Variants in NCALD observed in about 807,000 individuals in gnomAD.
The protein encoded by NCALD is neurocalcin-delta.
In NCALD, 10 loss-of-function variants were observed where a neutral mutation model predicts 18.6. The observed-to-expected ratio is 0.54, with a 90% CI of 0.33 to 0.91. The LOEUF (loss-of-function observed/expected upper bound fraction) is 0.91. Among genes scored for constraint, NCALD ranks in the 40% least tolerant of loss-of-function variants. The pLI, the probability that NCALD is intolerant of heterozygous loss-of-function variation, is 0.03. For synonymous variants in NCALD, 88 were observed against 87.4 expected, an observed-to-expected ratio of 1.01 and a Z score of -0.04; for missense variants, 184 against 247.6, an observed-to-expected ratio of 0.74 and a Z score of 1.72.
intron 2 of NCALD, among the ~76,000 whole-genome samples, chr8:101,936,006 G>A (rs1818750076): frequency 6.6e-6 from 1 of 152,028 alleles, no homozygotes; most frequent in Non-Finnish European, 1.5e-5. Context: ...AGTGAAGAGT[G>A]CACAGGTCCA....
upstream of NCALD, among the ~76,000 whole-genome samples, chr8:101,795,695 GACTCTGCATTTCCC>G: frequency 6.6e-6 from 1 of 152,316 alleles, no homozygotes; most frequent in Middle Eastern, 3.4e-3. Flanking sequence ...CTGAGGTATA[GACTCTGCATTTCCC>G]ACTGCTTTTC....
chr8:101,765,743 G>A (rs998642474), intron 1 of NCALD, among the ~76,000 whole-genome samples: 7 of 152,138 alleles, frequency 4.6e-5, no homozygotes, highest in Non-Finnish European at 8.8e-5. Context: ...AAACTCCCTC[G>A]TTAAGCACCA....
At position 101,897,878 on chromosome 8, in the gene NCALD, C is replaced by G. The variant is rs537186217; in HGVS notation, c.-106-10651G>C. Among the ~76,000 whole-genome samples the G allele has an allele frequency of 1.4e-4, 21 of 152,252 alleles. 1 individual carries two copies. The highest frequency in any genetic ancestry group is 5.1e-4 in the African/African-American group (21 of 41,550). On this transcript the variant is annotated intron_variant, in intron 3 of 6. Transcript: ENST00000311028. ...CCAAATCTCATCTTGAATTGTAGTT[C>G]CCATAATTCCGTGTTGTAGGAGGGA...
intron 2 of NCALD, among the ~76,000 whole-genome samples, chr8:101,942,894 T>C (rs530679374): frequency 6.6e-6 from 1 of 152,196 alleles, no homozygotes; most frequent in African/African-American, 2.4e-5. Flanking sequence ...CCATCTCATA[T>C]TTAAAGATGA....
intron 2 of NCALD, among the ~76,000 whole-genome samples, chr8:101,927,682 A>G (rs1818388782): frequency 6.6e-6 from 1 of 152,098 alleles, no homozygotes; most frequent in Admixed American, 6.5e-5. Context: ...GCTAGAGAAG[A>G]TTGCAAGGAG....
intron 4 of NCALD, among the ~76,000 whole-genome samples, chr8:101,833,193 A>G (rs1814258332): frequency 6.6e-6 from 1 of 152,166 alleles, no homozygotes; most frequent in South Asian, 2.1e-4. Flanking sequence ...TAATGTGTAC[A>G]CAGATCACCT....
At chr8:101,991,291 C>G (rs58513755) in intron 2 of NCALD, among the ~76,000 whole-genome samples, 4,312 of 152,186 alleles carry the variant, frequency 0.028, 155 homozygotes, top group East Asian at 0.16. Context: ...CCCCTAACCT[C>G]TCATGGAAAC....
chr8:101,692,642 AC>A, intron 3 of NCALD, 148 bp downstream of exon 3: 1 of 1,398,264 alleles, frequency 7.2e-7, no homozygotes, highest in East Asian at 2.6e-5. Context: ...TCCTGTGGCC[AC>A]CTGGTCCTCT....
intron 1 of NCALD, among the ~76,000 whole-genome samples, chr8:102,041,594 A>C (rs1401202326): frequency 6.6e-6 from 1 of 152,230 alleles, no homozygotes; most frequent in African/African-American, 2.4e-5. Flanking sequence ...TAATGACCAA[A>C]GGCCTAGAGA....
intron 1 of NCALD, among the ~76,000 whole-genome samples, chr8:101,738,561 A>G (rs1810036381): frequency 6.6e-6 from 1 of 151,600 alleles, no homozygotes; most frequent in Non-Finnish European, 1.5e-5. Flanking sequence ...ACAAAAAAAA[A>G]AAAAAAAAAA....
intron 1 of NCALD, among the ~76,000 whole-genome samples, chr8:102,118,640 C>G (rs1028041258): frequency 2.0e-5 from 3 of 152,312 alleles, no homozygotes; most frequent in Admixed American, 6.5e-5. Context: ...GTACCATTTA[C>G]TAGAGATAGA....
chr8:101,820,907 GC>G (rs1813695162), intron 4 of NCALD, among the ~76,000 whole-genome samples: 1 of 152,218 alleles, frequency 6.6e-6, no homozygotes, highest in East Asian at 1.9e-4. Flanking sequence ...ATTTGGGAAA[GC>G]AATCAGAGAG....
intron 1 of NCALD, among the ~76,000 whole-genome samples, chr8:101,744,875 T>A (rs1205117511): frequency 6.6e-6 from 1 of 152,086 alleles, no homozygotes; most frequent in Non-Finnish European, 1.5e-5. Flanking sequence ...CAATAACACC[T>A]CATTCACAGC....
At chr8:101,813,923 C>A (rs1018454463) in intron 4 of NCALD, among the ~76,000 whole-genome samples, 1 of 152,010 alleles carries the variant, frequency 6.6e-6, no homozygotes, top group African/African-American at 2.4e-5. Flanking sequence ...TGAAGATAAT[C>A]TGGTGATTAT....
At chr8:101,840,794 CAA>C (rs1402710029) in intron 4 of NCALD, among the ~76,000 whole-genome samples, 1 of 152,070 alleles carries the variant, frequency 6.6e-6, no homozygotes, top group Non-Finnish European at 1.5e-5. Context: ...ATTTGAAGCG[CAA>C]AGACATTTTA....
rs1470286044 is a variant in NCALD, at chr8:101,688,768, G to C, written c.*541C>G. 5 of 575,616 alleles carry C rather than the reference G, an allele frequency of 8.7e-6. No individual in the cohort carries two copies. In the Admixed American group the frequency reaches 8.7e-5, roughly 10 times the overall value. 35.7% of individuals were successfully genotyped at this position (575,616 alleles called of 1,614,324 possible). A position where few individuals can be genotyped will look rare whatever the true frequency, so the allele number is the denominator to read the frequency against. On this transcript the variant is annotated 3_prime_UTR_variant, in exon 4 of 4. Coordinates refer to ENST00000220931, the MANE Select transcript of NCALD (RefSeq NM_032041.3). The stretch of plus-strand genomic sequence containing the variant: ...GTTCACAGCTTAGAAACTACAGCCT[G>C]CTGGGGAAGAGAGGGGAGTGGGCCC...
chr8:101,902,092 ATTC>A (rs1160799721), intron 3 of NCALD, among the ~76,000 whole-genome samples: 2 of 152,032 alleles, frequency 1.3e-5, no homozygotes, highest in Non-Finnish European at 2.9e-5. Flanking sequence ...CACCCACTAC[ATTC>A]TTTTCTCTTG....
chr8:102,092,406 G>A (rs184625132), intron 1 of NCALD, among the ~76,000 whole-genome samples: 25 of 152,210 alleles, frequency 1.6e-4, no homozygotes, highest in African/African-American at 4.8e-4. Flanking sequence ...ACTTTACTCC[G>A]TGGATTAGCC....
At chr8:101,846,287 C>G (rs561319011) in intron 4 of NCALD, among the ~76,000 whole-genome samples, 2 of 152,326 alleles carry the variant, frequency 1.3e-5, no homozygotes, top group South Asian at 4.1e-4. Context: ...TATATTCCCA[C>G]TAATTGTATA....
Sources: allele counts gnomAD v4.1 joint callset (sites outside exome capture counted in the v4.1 genomes callset), GRCh38; gene constraint gnomAD v4.1.1; transcripts MANE v1.5; gene names NCBI Gene and HGNC (gene_info 2026-07-23, HGNC 2026-07-21).